The following CCND3 variants were observed in gnomAD, a reference collection of about 807,000 sequenced individuals.
The protein encoded by CCND3 is G1/S-specific cyclin-D3.
Under a neutral mutation model 28.7 loss-of-function variants are expected in CCND3, and 9 were observed. That is an observed-to-expected ratio of 0.31 (90% CI 0.19 to 0.55). CCND3 has a LOEUF of 0.55. Ranked by LOEUF, CCND3 falls within the 20% of genes least tolerant of loss-of-function variation. CCND3 has a pLI of 0.93. For missense variants in CCND3, 315 were observed against 385.8 expected (o/e 0.82, Z 1.54); for synonymous variants, 164 against 163.9 (o/e 1.00, Z 0.00).
At chr6:42,030,931 G>A (rs1262619134) in intron 1 of CCND3, among the ~76,000 whole-genome samples, 1 of 152,112 alleles carries the variant, frequency 6.6e-6, no homozygotes, top group Non-Finnish European at 1.5e-5. Context: ...ATGGGGGTGG[G>A]GTGCAGGAAG....
At chr6:42,027,630 G>C (rs1019583776) in intron 1 of CCND3, among the ~76,000 whole-genome samples, 2 of 152,148 alleles carry the variant, frequency 1.3e-5, no homozygotes, top group African/African-American at 4.8e-5. Flanking sequence ...AGGTGGTAAG[G>C]AGGGCAGAAA....
At position 41,940,535 on chromosome 6, in the gene CCND3, G is replaced by A. The variant is rs11552782; in HGVS notation, c.249C>T (p.Asn83=). ...CGCAAGACAGGTAGCGATCCAGGTA[G>A]TTCATGGCCAGGGGGAAGACTTCCT... ...CEEEVFPLAM[N]YLDRYLSCVP... is the part of the protein sequence containing the mutation. Residue 83 remains asparagine (N), a synonymous_variant, in exon 2 of 5, where the codon AAC becomes AAT. Transcript: ENST00000372991. 436 of 1,613,946 alleles carry A rather than the reference G, an allele frequency of 2.7e-4. 3 individuals are homozygous for A. In the East Asian group the frequency reaches 7.8e-3, roughly 29 times the overall value.
At chr6:41,969,944 C>CCCA (rs1268934182) in intron 1 of CCND3, among the ~76,000 whole-genome samples, 1 of 152,084 alleles carries the variant, frequency 6.6e-6, no homozygotes, top group African/African-American at 2.4e-5. Flanking sequence ...TGGTGGTGAA[C>CCCA]GCCTGTAGTC....
At position 41,971,396 on chromosome 6, in the gene CCND3, C is replaced by A. The variant is rs150477709; in HGVS notation, c.-45-30811G>T. 3.4e-3 allele frequency among the ~76,000 whole-genome samples: 520 copies of A among 152,136 alleles called. 3 individuals are homozygous for A. Among genetic ancestry groups the A allele is most frequent in the African/African-American group, 0.011 (476 of 41,526 alleles). ...TCCTCCCGCCTCAGCCTCTGAGTAG[C>A]TGGGACTACAGGTACCTGCCACTGA... On this transcript the variant is annotated intron_variant, in intron 1 of 4. Transcript: ENST00000372988.
chr6:41,979,659 A>G (rs62417393), intron 1 of CCND3, among the ~76,000 whole-genome samples: 3 of 314 alleles, frequency 9.6e-3, no homozygotes, highest in Non-Finnish European at 0.032. Context: ...ATATATATGT[A>G]TATATATATA....
chr6:42,010,306 C>G (rs1763303073), intron 1 of CCND3, among the ~76,000 whole-genome samples: 1 of 152,040 alleles, frequency 6.6e-6, no homozygotes, highest in African/African-American at 2.4e-5. Context: ...TTCCACTTTC[C>G]CTTAACGGTG....
chr6:42,015,990 G>C lies in CCND3; in HGVS notation c.-46+32511C>G, dbSNP rs368138172. Reference sequence around the variant, plus strand: ...GTCTCACTCTGTTGCCCAGGCTGGAGTGCAGTGGCGTGATATCAGCTCACT... The same window carrying C: ...GTCTCACTCTGTTGCCCAGGCTGGACTGCAGTGGCGTGATATCAGCTCACT... On this transcript the variant is annotated intron_variant, in intron 1 of 4. Transcript: ENST00000372988. Among the ~76,000 whole-genome samples, 12 of 150,712 alleles carry C rather than the reference G, an allele frequency of 8.0e-5. No individual in the cohort carries two copies. In the East Asian group the frequency reaches 1.2e-3, roughly 15 times the overall value.
intron 1 of CCND3, among the ~76,000 whole-genome samples, chr6:42,016,654 C>T (rs868121730): frequency 3.4e-5 from 5 of 148,780 alleles, no homozygotes; most frequent in Admixed American, 2.0e-4. Flanking sequence ...GGCGCCATCT[C>T]GGCTCACTGC....
intron 1 of CCND3, among the ~76,000 whole-genome samples, chr6:42,042,854 T>A (rs146884254): frequency 6.7e-6 from 1 of 150,246 alleles, no homozygotes; most frequent in African/African-American, 2.4e-5. Context: ...TCTATAGTTA[T>A]GCCCATTTTA....
At position 42,044,316 on chromosome 6, in the gene CCND3, T is replaced by TCAG. The variant is rs573622650; in HGVS notation, c.-46+4182_-46+4184dup. On this transcript the variant is annotated intron_variant, in intron 1 of 4. Transcript: ENST00000372988. ...GGGAGCAGAGGCTCCCTGAAACCAG[T>TCAG]CAGCGCCTGAAGAACCCGGCAACAC... Among the ~76,000 whole-genome samples, 19 of 152,236 alleles carry TCAG rather than the reference T, an allele frequency of 1.2e-4. 1 individual carries two copies. In the East Asian group the frequency reaches 2.9e-3, roughly 23 times the overall value.
chr6:42,008,382 AAAAAG>A (rs1763240864), intron 1 of CCND3, among the ~76,000 whole-genome samples: 1 of 152,196 alleles, frequency 6.6e-6, no homozygotes, highest in Non-Finnish European at 1.5e-5. Context: ...CTGTCTCAAA[AAAAAG>A]AAAAAGAAAA....
At chr6:42,045,691 G>C (rs554063911) in intron 1 of CCND3, among the ~76,000 whole-genome samples, 2 of 152,186 alleles carry the variant, frequency 1.3e-5, no homozygotes, top group Non-Finnish European at 2.9e-5. Flanking sequence ...CCCTAGAAAG[G>C]GGCAGGCCTT....
At chr6:42,019,696 G>A (rs1221247716) in intron 1 of CCND3, among the ~76,000 whole-genome samples, 1 of 151,944 alleles carries the variant, frequency 6.6e-6, no homozygotes, top group African/African-American at 2.4e-5. Context: ...CTGAGGGATA[G>A]GACTTAATGA....
intron 1 of CCND3, among the ~76,000 whole-genome samples, chr6:41,959,428 CCAGG>C (rs1352662662): frequency 1.3e-5 from 2 of 151,904 alleles, no homozygotes; most frequent in South Asian, 2.1e-4. Flanking sequence ...CGCCTGTGAG[CCAGG>C]CCAGCACTTT....
chr6:41,987,774 T>A (rs550085092), intron 1 of CCND3, among the ~76,000 whole-genome samples: 1 of 151,422 alleles, frequency 6.6e-6, no homozygotes, highest in Non-Finnish European at 1.5e-5. Flanking sequence ...AGTGCTGGGA[T>A]TACAGGTGTG....
chr6:41,983,168 A>G (rs1002491859), intron 1 of CCND3, among the ~76,000 whole-genome samples: 4 of 152,122 alleles, frequency 2.6e-5, no homozygotes, highest in Non-Finnish European at 5.9e-5. Flanking sequence ...ACCTGAGGTC[A>G]GGAGTTCAAG....
upstream of CCND3, among the ~76,000 whole-genome samples, chr6:41,946,694 G>GTATT (rs973383668): frequency 8.1e-5 from 12 of 147,682 alleles, no homozygotes; most frequent in African/African-American, 3.0e-4. Flanking sequence ...GGTGCTTACA[G>GTATT]TATTCCAGGT....
At chr6:41,983,274 A>T (rs1762397348) in intron 1 of CCND3, among the ~76,000 whole-genome samples, 1 of 151,268 alleles carries the variant, frequency 6.6e-6, no homozygotes, top group Admixed American at 6.6e-5. Context: ...GCTACTCGGG[A>T]GGCTGAGGTA....
At chr6:41,959,563 A>T (rs1250094993) in intron 1 of CCND3, among the ~76,000 whole-genome samples, 1 of 151,658 alleles carries the variant, frequency 6.6e-6, no homozygotes, top group Non-Finnish European at 1.5e-5. Context: ...GTGTGCCTGT[A>T]ATCCCAGCTA....
Sources: allele counts gnomAD v4.1 joint callset (sites outside exome capture counted in the v4.1 genomes callset), GRCh38; gene constraint gnomAD v4.1.1; transcripts MANE v1.5; gene names NCBI Gene and HGNC (gene_info 2026-07-23, HGNC 2026-07-21).